ANKRD46: variants seen among roughly 807,000 people sequenced by gnomAD.
ANKRD46 encodes ankyrin repeat domain 46.
Under a neutral mutation model 19.8 loss-of-function variants are expected in ANKRD46, and 13 were observed. The ratio of observed to expected loss-of-function variants is 0.66; its 90% CI spans 0.43 to 1.04. ANKRD46 has a LOEUF of 1.04. Ranked by LOEUF, ANKRD46 falls within the 50% of genes least tolerant of loss-of-function variation. The probability of loss-of-function intolerance (pLI) is 0.00; values close to 1 mark genes in which losing one functional copy is unlikely to be tolerated. For synonymous variants in ANKRD46, 91 were observed against 106.9 expected, an observed-to-expected ratio of 0.85 and a Z score of 0.92; for missense variants, 185 against 274.8, an observed-to-expected ratio of 0.67 and a Z score of 2.31.
chr8:100,551,900 AGC>A (rs1458128249), intron 1 of ANKRD46, among the ~76,000 whole-genome samples: 1 of 152,220 alleles, frequency 6.6e-6, no homozygotes, highest in East Asian at 1.9e-4. Flanking sequence ...CTATAATCCC[AGC>A]ACTTTGGGAG....
chr8:100,520,861 C>T lies in ANKRD46; in HGVS notation c.*1694G>A, dbSNP rs62515182. ...CAAAGAAATCAGCACATAAAAGGAA[C>T]CATTAATCTTTAAAAATGCTATATA... is the stretch of plus-strand genomic sequence containing the variant. On this transcript the variant is annotated 3_prime_UTR_variant, in exon 5 of 5. Transcript: ENST00000335659. 0.064 allele frequency: 63,436 copies of T among 983,698 alleles called. 2,198 individuals carry two copies. Among genetic ancestry groups the T allele is most frequent in the Non-Finnish European group, 0.068 (56,595 of 828,980 alleles). The allele number at this position is 983,698 out of a possible 1,614,324, so 60.9% of individuals were successfully genotyped here.
rs2130703713 is a variant in ANKRD46 at position 100,550,925 on chromosome 8, G to A, written c.-131+8786C>T. The A allele has an allele frequency of 3.3e-6, 2 of 602,328 alleles. No homozygotes were observed. The highest frequency in any genetic ancestry group is 6.1e-6 in the Non-Finnish European group (2 of 325,904). 37.3% of individuals were successfully genotyped at this position (602,328 alleles called of 1,614,324 possible). On this transcript the variant is annotated intron_variant, in intron 1 of 4. Transcript: ENST00000335659. This position sits in a 1 kb window ranked among gnomAD's most constrained non-coding sequence, Gnocchi z 4.4. The stretch of plus-strand genomic sequence containing the variant: ...CCAAGATGCCCTTGAGGGGCCCTCT[G>A]ACGCCTGCTTCACCACCTTTTTGAT...
At chr8:100,514,382 T>A (rs988532510) in intron 5 of ANKRD46, among the ~76,000 whole-genome samples, 1 of 152,056 alleles carries the variant, frequency 6.6e-6, no homozygotes, top group Non-Finnish European at 1.5e-5. Flanking sequence ...AAAAAAAAAA[T>A]TAGGAGATTT....
At chr8:100,553,361 A>C (rs1424867210) in intron 1 of ANKRD46, among the ~76,000 whole-genome samples, 1 of 152,252 alleles carries the variant, frequency 6.6e-6, no homozygotes, top group African/African-American at 2.4e-5. Flanking sequence ...ACTGGAAAAA[A>C]GATGACTGAT....
chr8:100,522,308 T>A lies in ANKRD46; in HGVS notation c.*247A>T. On this transcript the variant is annotated 3_prime_UTR_variant, in exon 5 of 5. Transcript: ENST00000335659. ...CTTCCGTGTTTTTATCAAACAAGGCTACGTGTAGGCTTTCCTACAAAGTCA... is the reference window on the plus strand; with the variant it reads ...CTTCCGTGTTTTTATCAAACAAGGCAACGTGTAGGCTTTCCTACAAAGTCA... 2.3e-6 allele frequency: 3 copies of A among 1,310,834 alleles called. No individual in the cohort carries two copies. Among genetic ancestry groups the A allele is most frequent in the Non-Finnish European group, 2.9e-6 (3 of 1,027,250 alleles). 81.2% of individuals were successfully genotyped at this position (1,310,834 alleles called of 1,614,324 possible).
In ANKRD46 at chr8:100,527,887, G is replaced by A; in HGVS notation, c.428C>T (p.Thr143Ile). The A allele has an allele frequency of 6.2e-7, 1 of 1,613,448 alleles. No individual in the cohort carries two copies. The highest frequency in any genetic ancestry group is 8.5e-7 in the Non-Finnish European group (1 of 1,179,868). Reference protein sequence around the residue: ...EQEVKGFNRGTHSKLETMQTA... With the variant: ...EQEVKGFNRGIHSKLETMQTA... ...TTGCATGGTCTCCAGTTTCGAGTGG[G>A]TTCCTCTGTTAAATCCTTTCACCTC... Residue 143 changes from threonine to isoleucine, a missense_variant, in exon 4 of 5, where the codon ACC becomes ATC. Physicochemically the swap from Thr to Ile is moderately conservative, Grantham distance 89. Coordinates refer to ENST00000335659, the MANE Select transcript of ANKRD46 (RefSeq NM_001270377.2). The surrounding 1 kb of genome is among the most constrained non-coding windows in gnomAD (Gnocchi z 4.0).
At chr8:100,518,670 T>C (rs1811672643), downstream of ANKRD46, among the ~76,000 whole-genome samples, 1 of 151,938 alleles carries the variant, frequency 6.6e-6, no homozygotes, top group Non-Finnish European at 1.5e-5. Flanking sequence ...GCTAACATGG[T>C]GAAACCCCGT....
Position 100,510,247 on chromosome 8 carries a change from G to C in ANKRD46, c.*330C>G. ...TGGGAGTTGTCATTTCAGACACCAC[G>C]GCAGCCTTTTGTTCAAGATCAAATG... On this transcript the variant is annotated 3_prime_UTR_variant, in exon 6 of 6. Transcript: ENST00000520552. The surrounding 1 kb of genome is among the most constrained non-coding windows in gnomAD (Gnocchi z 4.9). The C allele has an allele frequency of 3.7e-6, 1 of 271,022 alleles. No individual in the cohort carries two copies. Among genetic ancestry groups the C allele is most frequent in the East Asian group, 6.3e-5 (1 of 15,794 alleles). The allele number at this position is 271,022 out of a possible 1,614,324, so 16.8% of individuals were successfully genotyped here.
chr8:100,556,412 T>A (rs1812501628), intron 1 of ANKRD46, among the ~76,000 whole-genome samples: 1 of 152,208 alleles, frequency 6.6e-6, no homozygotes, highest in African/African-American at 2.4e-5. Flanking sequence ...ATTATTATGA[T>A]CAGCAGTAGG....
chr8:100,551,096 C>T (rs1812378880), intron 1 of ANKRD46: 3 of 504,956 alleles, frequency 5.9e-6, no homozygotes, highest in Admixed American at 2.2e-5. Flanking sequence ...CCAGTAGATG[C>T]AGGGATGATG....
In ANKRD46 at chr8:100,520,943, A is replaced by G; in HGVS notation, c.*1612T>C. The stretch of plus-strand genomic sequence containing the variant: ...TAGATTTACAAACAAATGTAAAGCT[A>G]ATTCCAAAGTTTTCTTCTGAATATA... On this transcript the variant is annotated 3_prime_UTR_variant, in exon 5 of 5. Coordinates refer to ENST00000335659, the MANE Select transcript of ANKRD46 (RefSeq NM_001270377.2). 2 of 985,050 alleles carry G rather than the reference A, an allele frequency of 2.0e-6. No individual in the cohort carries two copies. The highest frequency in any genetic ancestry group is 2.4e-6 in the Non-Finnish European group (2 of 829,610). The allele number at this position is 985,050 out of a possible 1,614,324, so 61.0% of individuals were successfully genotyped here. A position where few individuals can be genotyped will look rare whatever the true frequency, so the allele number is the denominator to read the frequency against.
chr8:100,551,315 GC>G, intron 1 of ANKRD46: 1 of 543,554 alleles, frequency 1.8e-6, no homozygotes, highest in South Asian at 1.6e-5. Context: ...CAGGGATCAT[GC>G]CCATTATGAA....
chr8:100,518,834 A>T (rs1381091208), downstream of ANKRD46, among the ~76,000 whole-genome samples: 1 of 151,524 alleles, frequency 6.6e-6, no homozygotes, highest in African/African-American at 2.4e-5. Flanking sequence ...CCTGGGCGAC[A>T]GAGCGAGACT....
At position 100,534,162 on chromosome 8, in the gene ANKRD46, C is replaced by T. The variant is rs939901090; in HGVS notation, c.-130-851G>A. Among the ~76,000 whole-genome samples, 1 of 152,188 alleles carries T rather than the reference C, an allele frequency of 6.6e-6. No individual in the cohort carries two copies. The highest frequency in any genetic ancestry group is 1.5e-5 in the Non-Finnish European group (1 of 68,026). On this transcript the variant is annotated intron_variant, in intron 1 of 4. Coordinates refer to ENST00000335659, the MANE Select transcript of ANKRD46 (RefSeq NM_001270377.2). This position sits in a 1 kb window ranked among gnomAD's most constrained non-coding sequence, Gnocchi z 4.2. The stretch of plus-strand genomic sequence containing the variant: ...GGTGAAATACAGGTTAACTTTTTAC[C>T]GATCATCCTTGTTCATTGTTATCAA...
At position 100,522,898 on chromosome 8, in the gene ANKRD46, CACACACATATAT is replaced by C. The variant is rs1226102199; in HGVS notation, c.471-139_471-128del. ...ACACACACACACACACACACACACA[CACACACATATAT>C]ATATATACACACTCTTACATGCTTA... On this transcript the variant is annotated intron_variant, in intron 4 of 4. Transcript: ENST00000335659. The C allele has an allele frequency of 1.3e-3, 668 of 519,228 alleles. 3 individuals carry two copies. In the African/African-American group the frequency reaches 0.017, roughly 13 times the overall value. 32.2% of individuals were successfully genotyped at this position (519,228 alleles called of 1,614,324 possible). A position where few individuals can be genotyped will look rare whatever the true frequency, so the allele number is the denominator to read the frequency against.
downstream of ANKRD46, among the ~76,000 whole-genome samples, chr8:100,515,775 ACAGTCATTCAGTTCCC>A (rs1811621058): frequency 6.6e-6 from 1 of 152,018 alleles, no homozygotes; most frequent in South Asian, 2.1e-4. Context: ...GAATGGGACC[ACAGTCATTCAGTTCCC>A]CTTGGTCTCC....
rs1811804256 is a variant in ANKRD46 at position 100,524,676 on chromosome 8, T to G, written c.471-1905A>C. 6.6e-6 allele frequency among the ~76,000 whole-genome samples: 1 copy of G among 152,216 alleles called. No homozygotes were observed. Among genetic ancestry groups the G allele is most frequent in the Non-Finnish European group, 1.5e-5 (1 of 68,032 alleles). ...AAACCACAAATAGATAACACAGTTC[T>G]GCAGAGGCTTAGTTTGACCTATGTA... On this transcript the variant is annotated intron_variant, in intron 4 of 4. Transcript: ENST00000335659. This position sits in a 1 kb window ranked among gnomAD's most constrained non-coding sequence, Gnocchi z 4.3.
rs1586799037 is a variant in ANKRD46, at chr8:100,546,028, G to T, written c.-130-12717C>A. 1.3e-5 allele frequency among the ~76,000 whole-genome samples: 2 copies of T among 152,202 alleles called. No homozygotes were observed. The highest frequency in any genetic ancestry group is 2.1e-4 in the South Asian group (1 of 4,834). ...TCTCAAAGTGAACAAATGTGTTCAC[G>T]AAGAGATAATCTGCAATTGGAACTT... On this transcript the variant is annotated intron_variant, in intron 1 of 4. Coordinates refer to ENST00000335659, the MANE Select transcript of ANKRD46 (RefSeq NM_001270377.2). This position sits in a 1 kb window ranked among gnomAD's most constrained non-coding sequence, Gnocchi z 4.0.
downstream of ANKRD46, among the ~76,000 whole-genome samples, chr8:100,517,544 C>T (rs186645050): frequency 5.3e-5 from 8 of 152,274 alleles, no homozygotes; most frequent in African/African-American, 1.7e-4. Flanking sequence ...GGCCAAATCT[C>T]TGTCCCCAGG....
Sources: gnomAD v4.1 joint callset for allele counts (sites outside exome capture counted in the v4.1 genomes callset) on GRCh38, gnomAD v4.1.1 for gene constraint, Gnocchi (gnomAD v3.1) non-coding constraint, MANE v1.5 for transcripts, NCBI Gene and HGNC (gene_info 2026-07-23, HGNC 2026-07-21) for gene names.